Variants in NPEPPS observed in about 807,000 individuals in gnomAD.
NPEPPS encodes the protein aminopeptidase puromycin sensitive, also known as puromycin-sensitive aminopeptidase.
Under a neutral mutation model 115.5 loss-of-function variants are expected in NPEPPS, and 14 were observed. The observed-to-expected ratio is 0.12, with a 90% CI of 0.08 to 0.19. NPEPPS has a LOEUF of 0.19. Among genes scored for constraint, NPEPPS ranks in the 10% least tolerant of loss-of-function variants. The probability of loss-of-function intolerance (pLI) is 1.00; values close to 1 mark genes in which losing one functional copy is unlikely to be tolerated. For missense variants in NPEPPS, 523 were observed against 1,110.8 expected, an observed-to-expected ratio of 0.47 and a Z score of 7.52; for synonymous variants, 285 against 390.6, an observed-to-expected ratio of 0.73 and a Z score of 3.19.
intron 21 of NPEPPS, 183 bp downstream of exon 21, chr17:47,619,347 A>T: frequency 1.6e-6 from 1 of 632,860 alleles, no homozygotes; most frequent in South Asian, 1.8e-5. Context: ...TGAGGTCGGG[A>T]GTTCGAGACT....
chr17:47,557,522 A>C lies in NPEPPS; in HGVS notation c.340+11529A>C, dbSNP rs536368386. On this transcript the variant is annotated intron_variant, in intron 2 of 22. Coordinates refer to ENST00000322157, the MANE Select transcript of NPEPPS (RefSeq NM_006310.4). Reference sequence around the variant, plus strand: ...TCACTTGACTACCCTTAAAAAAAAAACAAAAAACAAACAGAAGTCTTGAGA... The same window carrying C: ...TCACTTGACTACCCTTAAAAAAAAACCAAAAAACAAACAGAAGTCTTGAGA... The C allele has an allele frequency of 2.0e-5, 3 of 149,298 alleles. No homozygotes were observed. The South Asian group carries it at 6.5e-4, about 33-fold the overall frequency. 9.2% of individuals were successfully genotyped at this position (149,298 alleles called of 1,614,324 possible).
At chr17:47,611,563 C>T (rs1483290539) in intron 17 of NPEPPS, among the ~76,000 whole-genome samples, 1 of 152,114 alleles carries the variant, frequency 6.6e-6, no homozygotes, top group Non-Finnish European at 1.5e-5. Flanking sequence ...GCCTCAAGCT[C>T]CTGGGCTCAA....
rs565577881 is a variant in NPEPPS, at chr17:47,603,267, C to T, written c.1741-648C>T. Among the ~76,000 whole-genome samples, 3 of 152,128 alleles carry T rather than the reference C, an allele frequency of 2.0e-5. No homozygotes were observed. The South Asian group carries it at 6.2e-4, about 32-fold the overall frequency. ...TCTCTCCTAAAAATTACAAAATTAGCTGGGTGTGGTGGCGGGTGCCTGTAA... is the reference window on the plus strand; with the variant it reads ...TCTCTCCTAAAAATTACAAAATTAGTTGGGTGTGGTGGCGGGTGCCTGTAA... On this transcript the variant is annotated intron_variant, in intron 15 of 22. Coordinates refer to ENST00000322157, the MANE Select transcript of NPEPPS (RefSeq NM_006310.4).
chr17:47,596,991 C>T (rs553260438), intron 13 of NPEPPS, among the ~76,000 whole-genome samples: 5 of 150,622 alleles, frequency 3.3e-5, no homozygotes, highest in East Asian at 3.9e-4. Flanking sequence ...GAAGTTGCAG[C>T]GAGCCGAGAT....
Position 47,621,941 on chromosome 17 carries a change from G to A in NPEPPS, c.*21G>A, listed in dbSNP as rs1296733760. ...TGTGAATCCTGAGGTGCCGCCATTG[G>A]CGGTTCTGCTGCTTCGCTGCAGGGA... On this transcript the variant is annotated 3_prime_UTR_variant, in exon 23 of 23. Transcript: ENST00000322157. 1 of 1,597,736 alleles carries A rather than the reference G, an allele frequency of 6.3e-7. No individual in the cohort carries two copies. The highest frequency in any genetic ancestry group is 8.5e-7 in the Non-Finnish European group (1 of 1,170,582).
intron 2 of NPEPPS, among the ~76,000 whole-genome samples, chr17:47,566,999 C>T (rs889959404): frequency 6.6e-6 from 1 of 151,988 alleles, no homozygotes; most frequent in African/African-American, 2.4e-5. Context: ...GAGAATCTCC[C>T]GAACCTGATG....
At chr17:47,610,253 T>C (rs1248280005) in intron 17 of NPEPPS, among the ~76,000 whole-genome samples, 1 of 149,788 alleles carries the variant, frequency 6.7e-6, no homozygotes, top group African/African-American at 2.4e-5. Flanking sequence ...TTCTATTTCA[T>C]GGATTTACCT....
At chr17:47,610,612 G>T (rs1004108279) in intron 17 of NPEPPS, among the ~76,000 whole-genome samples, 13 of 151,874 alleles carry the variant, frequency 8.6e-5, no homozygotes, top group Non-Finnish European at 1.6e-4. Context: ...TCGAGCTGTT[G>T]ACCTCGTGAT....
At chr17:47,612,423 T>C in intron 17 of NPEPPS, 37 bp from the exon 18 acceptor site, 2 of 1,602,580 alleles carry the variant, frequency 1.2e-6, no homozygotes, top group Non-Finnish European at 1.7e-6. Flanking sequence ...AATAGGCTTT[T>C]TAAGTAGTCT....
At chr17:47,559,261 C>G (rs546299673) in intron 2 of NPEPPS, among the ~76,000 whole-genome samples, 1 of 151,976 alleles carries the variant, frequency 6.6e-6, no homozygotes, top group Non-Finnish European at 1.5e-5. Context: ...AGGCTGGTCT[C>G]GAACTCCTGG....
rs57585141 is a variant in NPEPPS, at chr17:47,622,425, C to CTT, written c.*517_*518dup. On this transcript the variant is annotated 3_prime_UTR_variant, in exon 23 of 23. Coordinates refer to ENST00000322157, the MANE Select transcript of NPEPPS (RefSeq NM_006310.4). ...GGAGTCAGTGCATAATTCCAAGTGG[C>CTT]TTTTTTTTTTTTTGGCACGGGGACT... The CTT allele has an allele frequency of 4.7e-5, 7 of 148,070 alleles. No homozygotes were observed. Among genetic ancestry groups the CTT allele is most frequent in the South Asian group, 3.7e-4 (2 of 5,378 alleles). The allele number at this position is 148,070 out of a possible 1,614,324, so 9.2% of individuals were successfully genotyped here.
At chr17:47,601,518 T>C in intron 14 of NPEPPS, 90 bp from the exon 15 acceptor site, 1 of 1,445,916 alleles carries the variant, frequency 6.9e-7, no homozygotes, top group East Asian at 2.3e-5. Flanking sequence ...CAGTTTGGCT[T>C]AGGCTCCTGG....
chr17:47,556,469 T>G (rs1910042652), intron 2 of NPEPPS, among the ~76,000 whole-genome samples: 1 of 152,194 alleles, frequency 6.6e-6, no homozygotes, highest in African/African-American at 2.4e-5. Flanking sequence ...TGGAGTCTCC[T>G]ATGTCTACTT....
At chr17:47,535,500 G>A (rs1333034876) in intron 1 of NPEPPS, among the ~76,000 whole-genome samples, 7 of 147,608 alleles carry the variant, frequency 4.7e-5, no homozygotes, top group African/African-American at 1.3e-4. Flanking sequence ...GCAGTGAGCC[G>A]AGATCGCGCC....
At chr17:47,544,506 T>G (rs1002457940) in intron 1 of NPEPPS, among the ~76,000 whole-genome samples, 7 of 24,064 alleles carry the variant, frequency 2.9e-4, no homozygotes, top group South Asian at 1.1e-3. Flanking sequence ...TTAAACGTAT[T>G]TATTTATTTA....
chr17:47,568,131 C>T (rs1910946280), intron 2 of NPEPPS, among the ~76,000 whole-genome samples: 1 of 151,926 alleles, frequency 6.6e-6, no homozygotes, highest in Admixed American at 6.6e-5. Flanking sequence ...AATATATGCT[C>T]CAGTTTCTCT....
At chr17:47,523,330 G>A (rs1319013182) in intron 1 of NPEPPS, among the ~76,000 whole-genome samples, 3 of 145,810 alleles carry the variant, frequency 2.1e-5, no homozygotes, top group African/African-American at 7.6e-5. Flanking sequence ...TACTTCTTTC[G>A]ATGACTTACA....
intron 8 of NPEPPS, chr17:47,586,817 A>C (rs529865467): frequency 2.2e-6 from 1 of 462,672 alleles, no homozygotes. Context: ...TTCTACTTTC[A>C]ATTGCCTTTT....
intron 3 of NPEPPS, among the ~76,000 whole-genome samples, chr17:47,576,464 C>T (rs1428069956): frequency 6.6e-6 from 1 of 152,098 alleles, no homozygotes; most frequent in Non-Finnish European, 1.5e-5. Context: ...TGCACTTTAG[C>T]CTGGGTGACA....
Sources: gnomAD v4.1 joint callset for allele counts (sites outside exome capture counted in the v4.1 genomes callset) on GRCh38, gnomAD v4.1.1 for gene constraint, MANE v1.5 for transcripts, NCBI Gene and HGNC (gene_info 2026-07-23, HGNC 2026-07-21) for gene names.